The following ELOVL7 variants were observed in gnomAD, a reference collection of about 807,000 sequenced individuals.
ELOVL7 encodes very long chain fatty acid elongase 7.
In ELOVL7, 27 loss-of-function variants were observed where a neutral mutation model predicts 35.7. The observed-to-expected ratio is 0.76, with a 90% CI of 0.56 to 1.04. ELOVL7 has a LOEUF of 1.04. ELOVL7 is among the 50% of genes least tolerant of loss of function. The pLI is 0.00. For missense variants in ELOVL7, 327 were observed against 340.8 expected, an observed-to-expected ratio of 0.96 and a Z score of 0.32; for synonymous variants, 113 against 114.6, an observed-to-expected ratio of 0.99 and a Z score of 0.09.
Position 60,754,838 on chromosome 5 carries a change from G to A in ELOVL7, c.637-5C>T, listed in dbSNP as rs775094307. 2 of 1,611,898 alleles carry A rather than the reference G, an allele frequency of 1.2e-6. No individual in the cohort carries two copies. Among genetic ancestry groups the A allele is most frequent in the Non-Finnish European group, 1.7e-6 (2 of 1,179,060 alleles). On this transcript the variant is annotated splice_polypyrimidine_tract_variant and splice_region_variant and intron_variant, in intron 8 of 8. Coordinates refer to ENST00000508821, the MANE Select transcript of ELOVL7 (RefSeq NM_024930.3). ...GGCGACAATAACAAACTGGACCTAA[G>A]AAATGAAAACGTGAAAAAAAATTAT...
chr5:60,837,338 G>T (rs1287215399), intron 1 of ELOVL7, among the ~76,000 whole-genome samples: 2 of 140,086 alleles, frequency 1.4e-5, no homozygotes, highest in African/African-American at 5.3e-5. Context: ...GGGGGTGGGG[G>T]TGGCGCTTGT....
At chr5:60,792,827 A>C (rs2112256997) in intron 2 of ELOVL7, among the ~76,000 whole-genome samples, 1 of 152,356 alleles carries the variant, frequency 6.6e-6, no homozygotes, top group South Asian at 2.1e-4. Flanking sequence ...GTGATGGCTT[A>C]AAAATCAAGG....
intron 4 of ELOVL7, chr5:60,768,575 G>A: frequency 2.4e-6 from 1 of 409,394 alleles, no homozygotes; most frequent in South Asian, 1.8e-5. Context: ...ATCCAAGGCT[G>A]ATGTGACAAG....
Position 60,766,644 on chromosome 5 carries a change from A to G in ELOVL7, c.337-14T>C, listed in dbSNP as rs1201897461. 13 of 1,601,950 alleles carry G rather than the reference A, an allele frequency of 8.1e-6. No homozygotes were observed. Among genetic ancestry groups the G allele is most frequent in the Non-Finnish European group, 1.1e-5 (13 of 1,175,592 alleles). ...GGTACGTGCCATCTGCAGAAGCACA[A>G]ATAAATCTAAATTTATTTTGTATAT... On this transcript the variant is annotated splice_polypyrimidine_tract_variant and intron_variant, in intron 5 of 8. Transcript: ENST00000508821.
At chr5:60,840,644 C>T (rs1272814431) in intron 1 of ELOVL7, among the ~76,000 whole-genome samples, 1 of 152,158 alleles carries the variant, frequency 6.6e-6, no homozygotes, top group Non-Finnish European at 1.5e-5. Flanking sequence ...AATTGAATTG[C>T]TGTTACTTCC....
At chr5:60,829,186 G>A (rs1381749364) in intron 1 of ELOVL7, among the ~76,000 whole-genome samples, 1 of 151,870 alleles carries the variant, frequency 6.6e-6, no homozygotes, top group Non-Finnish European at 1.5e-5. Context: ...AAGCATACTA[G>A]GAGATGGTTC....
chr5:60,767,652 T>C (rs1314791873), intron 5 of ELOVL7, among the ~76,000 whole-genome samples, 171 bp downstream of exon 5: 1 of 152,208 alleles, frequency 6.6e-6, no homozygotes, highest in Admixed American at 6.5e-5. Context: ...TTATAGAAAA[T>C]TATACATGTG....
chr5:60,833,687 C>G (rs1746620109), intron 1 of ELOVL7, among the ~76,000 whole-genome samples: 5 of 152,148 alleles, frequency 3.3e-5, no homozygotes, highest in Non-Finnish European at 5.9e-5. Context: ...TAGTGATTCC[C>G]AGTGCTATCA....
chr5:60,815,097 G>T (rs1400606655), intron 1 of ELOVL7, among the ~76,000 whole-genome samples: 1 of 152,172 alleles, frequency 6.6e-6, no homozygotes, highest in Non-Finnish European at 1.5e-5. Context: ...CCAAGCTAAT[G>T]CATAATGAAC....
Position 60,799,760 on chromosome 5 carries a change from G to A in ELOVL7, c.-85-530C>T, listed in dbSNP as rs993553669. ...ACATTTAAAAAATAACTAATAGACC[G>A]GGTGTGGTGGCTCATGCCTGTAATC... On this transcript the variant is annotated intron_variant, in intron 1 of 8. Coordinates refer to ENST00000508821, the MANE Select transcript of ELOVL7 (RefSeq NM_024930.3). Among the ~76,000 whole-genome samples, 11 of 152,222 alleles carry A rather than the reference G, an allele frequency of 7.2e-5. 1 individual carries two copies. In the South Asian group the frequency reaches 8.3e-4, roughly 11 times the overall value.
At chr5:60,756,714 A>G (rs1741559075) in intron 8 of ELOVL7, among the ~76,000 whole-genome samples, 1 of 152,164 alleles carries the variant, frequency 6.6e-6, no homozygotes, top group Admixed American at 6.5e-5. Context: ...TTTTAATAAA[A>G]AATTAATCTT....
intron 1 of ELOVL7, among the ~76,000 whole-genome samples, chr5:60,837,545 T>C (rs2112407196): frequency 6.6e-6 from 1 of 152,310 alleles, no homozygotes; most frequent in East Asian, 1.9e-4. Context: ...ATGTTTTAAA[T>C]GTAAATGCAG....
chr5:60,798,919 G>T (rs1744426514), intron 2 of ELOVL7, among the ~76,000 whole-genome samples: 1 of 152,158 alleles, frequency 6.6e-6, no homozygotes, highest in Non-Finnish European at 1.5e-5. Context: ...CTTCTTAAGT[G>T]TACACAGAAC....
intron 3 of ELOVL7, among the ~76,000 whole-genome samples, chr5:60,785,462 T>C (rs1020616482): frequency 4.6e-5 from 7 of 152,196 alleles, no homozygotes; most frequent in African/African-American, 1.7e-4. Flanking sequence ...TATTGATTAT[T>C]TGAGTCTCTT....
intron 3 of ELOVL7, among the ~76,000 whole-genome samples, chr5:60,774,503 T>C (rs564030656): frequency 2.0e-5 from 3 of 152,156 alleles, no homozygotes; most frequent in African/African-American, 7.2e-5. Flanking sequence ...ATACCTCAAA[T>C]AATAAGGGCC....
intron 1 of ELOVL7, among the ~76,000 whole-genome samples, chr5:60,807,309 CACT>C (rs1269119091): frequency 1.3e-5 from 2 of 152,112 alleles, no homozygotes; most frequent in Non-Finnish European, 2.9e-5. Context: ...GAATATTGAA[CACT>C]ACAACTCAGG....
At chr5:60,780,172 T>G (rs900215581) in intron 3 of ELOVL7, among the ~76,000 whole-genome samples, 2 of 145,664 alleles carry the variant, frequency 1.4e-5, no homozygotes, top group Non-Finnish European at 3.0e-5. Context: ...CAGGCTGGAG[T>G]GCAACGGTAC....
chr5:60,841,101 C>A (rs1270541504), intron 1 of ELOVL7, among the ~76,000 whole-genome samples: 2 of 147,834 alleles, frequency 1.4e-5, no homozygotes, highest in African/African-American at 5.0e-5. Context: ...TCTCAGCTCA[C>A]TGCAACCTCT....
At chr5:60,782,513 G>A (rs1011626740) in intron 3 of ELOVL7, among the ~76,000 whole-genome samples, 1 of 152,196 alleles carries the variant, frequency 6.6e-6, no homozygotes. Flanking sequence ...GTCCATCAAT[G>A]GGTGAATGGA....
Sources: allele counts gnomAD v4.1 joint callset (sites outside exome capture counted in the v4.1 genomes callset), GRCh38; gene constraint gnomAD v4.1.1; transcripts MANE v1.5; gene names NCBI Gene and HGNC (gene_info 2026-07-23, HGNC 2026-07-21).